JAZF1: variants seen among roughly 807,000 people sequenced by gnomAD.
JAZF1 encodes juxtaposed with another zinc finger protein 1.
JAZF1 carries 8 observed loss-of-function variants against 26.4 expected under a neutral mutation model. The observed-to-expected ratio is 0.30, with a 90% CI of 0.18 to 0.55. The LOEUF is 0.55. Ranked by LOEUF, JAZF1 falls within the 20% of genes least tolerant of loss-of-function variation. JAZF1 has a pLI of 0.94. For synonymous variants in JAZF1, 126 were observed against 122.3 expected (o/e 1.03, Z -0.20); for missense variants, 199 against 322.0 (o/e 0.62, Z 2.92).
At chr7:27,858,639 CCTATT>C (rs1783317798) in intron 3 of JAZF1, among the ~76,000 whole-genome samples, 2 of 152,140 alleles carry the variant, frequency 1.3e-5, no homozygotes, top group Non-Finnish European at 2.9e-5. Flanking sequence ...GAAAGGATTC[CCTATT>C]TAATAAATGC....
intron 1 of JAZF1, among the ~76,000 whole-genome samples, chr7:27,994,818 A>C (rs534633978): frequency 5.3e-5 from 8 of 152,136 alleles, no homozygotes; most frequent in Non-Finnish European, 1.2e-4. Context: ...TTATGGATTT[A>C]ATTATGCTGT....
At chr7:27,926,455 C>A (rs921190119) in intron 2 of JAZF1, among the ~76,000 whole-genome samples, 47 of 152,304 alleles carry the variant, frequency 3.1e-4, no homozygotes, top group African/African-American at 1.1e-3. Context: ...TCTGAGCAAA[C>A]CACTGGGTTC....
chr7:27,942,595 A>G (rs985708506), intron 2 of JAZF1, among the ~76,000 whole-genome samples: 1 of 152,196 alleles, frequency 6.6e-6, no homozygotes, highest in East Asian at 1.9e-4. Context: ...GAAAGGTTAA[A>G]CGACTTGTGC....
At chr7:28,058,588 A>G (rs1783752251) in intron 1 of JAZF1, among the ~76,000 whole-genome samples, 1 of 152,188 alleles carries the variant, frequency 6.6e-6, no homozygotes, top group African/African-American at 2.4e-5. Flanking sequence ...AGATGCTTTC[A>G]TCTCATTAAT....
intron 3 of JAZF1, among the ~76,000 whole-genome samples, chr7:27,865,033 T>A (rs1414076440): frequency 6.6e-6 from 1 of 152,066 alleles, no homozygotes; most frequent in African/African-American, 2.4e-5. Context: ...ATGACGAGCA[T>A]TTGAAAAGGG....
At chr7:27,920,855 A>T (rs1784517262) in intron 2 of JAZF1, among the ~76,000 whole-genome samples, 1 of 152,262 alleles carries the variant, frequency 6.6e-6, no homozygotes, top group South Asian at 2.1e-4. Flanking sequence ...ATAAACGACC[A>T]TTTTAATTAA....
At chr7:27,883,352 TGGGAA>T (rs1463796273) in intron 3 of JAZF1, among the ~76,000 whole-genome samples, 1 of 152,216 alleles carries the variant, frequency 6.6e-6, no homozygotes, top group Non-Finnish European at 1.5e-5. Context: ...AGATTTCTTA[TGGGAA>T]TTCTTAACAG....
At chr7:27,937,596 A>G (rs1223252470) in intron 2 of JAZF1, among the ~76,000 whole-genome samples, 1 of 152,262 alleles carries the variant, frequency 6.6e-6, no homozygotes, top group African/African-American at 2.4e-5. Context: ...AAACACTCAA[A>G]AACCTGTAGA....
chr7:27,995,829 C>T (rs114110918), intron 1 of JAZF1, among the ~76,000 whole-genome samples: 99 of 152,208 alleles, frequency 6.5e-4, no homozygotes, highest in African/African-American at 1.9e-3. Context: ...AATTACATTG[C>T]GAAGGGCTGG....
chr7:28,094,515 C>T (rs532868482), intron 1 of JAZF1, among the ~76,000 whole-genome samples: 1 of 152,320 alleles, frequency 6.6e-6, no homozygotes, highest in African/African-American at 2.4e-5. Flanking sequence ...TCTGACACAT[C>T]AGCTAACTTT....
At chr7:27,921,361 A>C (rs1784526314) in intron 2 of JAZF1, among the ~76,000 whole-genome samples, 1 of 149,402 alleles carries the variant, frequency 6.7e-6, no homozygotes, top group Non-Finnish European at 1.5e-5. Context: ...CCTTTTTACA[A>C]GTGTTGTCTA....
chr7:28,061,286 CCTT>C (rs1327533389), intron 1 of JAZF1, among the ~76,000 whole-genome samples: 1 of 152,214 alleles, frequency 6.6e-6, no homozygotes, highest in African/African-American at 2.4e-5. Flanking sequence ...GCTTTCTACT[CCTT>C]AACATTCTCT....
intron 2 of JAZF1, among the ~76,000 whole-genome samples, chr7:27,953,115 C>A (rs1485372079): frequency 6.6e-6 from 1 of 152,122 alleles, no homozygotes; most frequent in Non-Finnish European, 1.5e-5. Context: ...CAAGTTTTAC[C>A]AAACTCAAGT....
chr7:27,991,579 C>T (rs1785904639), intron 2 of JAZF1, among the ~76,000 whole-genome samples: 1 of 152,192 alleles, frequency 6.6e-6, no homozygotes, highest in African/African-American at 2.4e-5. Context: ...TTCTTCACCT[C>T]AGGATTTAAA....
intron 3 of JAZF1, among the ~76,000 whole-genome samples, chr7:27,861,997 TTC>T (rs1194145001): frequency 2.6e-5 from 4 of 152,176 alleles, no homozygotes; most frequent in Admixed American, 6.5e-5. Flanking sequence ...GCAGCTCTGG[TTC>T]AGCATCTCCA....
chr7:27,883,690 A>G (rs1205850317), intron 3 of JAZF1, among the ~76,000 whole-genome samples: 1 of 152,192 alleles, frequency 6.6e-6, no homozygotes, highest in Non-Finnish European at 1.5e-5. Context: ...ATCTCATGGG[A>G]AACAAAACAC....
chr7:27,850,408 T>G lies in JAZF1; in HGVS notation c.386-9541A>C, dbSNP rs573103379. Reference sequence around the variant, plus strand: ...CCCTGTCTCCTCCTTAACTATGGAATTGGTTCTGGTTCTCCAAGCCAGAAG... The same window carrying G: ...CCCTGTCTCCTCCTTAACTATGGAAGTGGTTCTGGTTCTCCAAGCCAGAAG... On this transcript the variant is annotated intron_variant, in intron 3 of 4. Coordinates refer to ENST00000283928, the MANE Select transcript of JAZF1 (RefSeq NM_175061.4). Among the ~76,000 whole-genome samples, 25 of 152,340 alleles carry G rather than the reference T, an allele frequency of 1.6e-4. No homozygotes were observed. In the South Asian group the frequency reaches 5.0e-3, roughly 30 times the overall value.
At chr7:28,114,785 T>C (rs1485237023) in intron 1 of JAZF1, among the ~76,000 whole-genome samples, 1 of 151,196 alleles carries the variant, frequency 6.6e-6, no homozygotes, top group South Asian at 2.1e-4. Flanking sequence ...CTAGATGCTA[T>C]AAGAAAATGG....
chr7:27,987,612 A>T (rs192254), intron 2 of JAZF1, among the ~76,000 whole-genome samples: 1 of 150,982 alleles, frequency 6.6e-6, no homozygotes, highest in African/African-American at 2.4e-5. Context: ...CGGGAGGGAG[A>T]TGGGGGGTGC....
Sources: allele counts gnomAD v4.1 joint callset (sites outside exome capture counted in the v4.1 genomes callset), GRCh38; gene constraint gnomAD v4.1.1; transcripts MANE v1.5; gene names NCBI Gene and HGNC (gene_info 2026-07-23, HGNC 2026-07-21).